Variants in DMD observed in about 807,000 individuals in gnomAD.
DMD encodes mutant dystrophin.
In DMD, 63 loss-of-function variants were observed where a neutral mutation model predicts 330.1. The observed-to-expected ratio is 0.19, with a 90% CI of 0.16 to 0.24. The LOEUF (loss-of-function observed/expected upper bound fraction) is 0.24, where lower values mean the gene tolerates loss of function less well. Ranked by LOEUF, DMD falls within the 10% of genes least tolerant of loss-of-function variation. DMD has a pLI of 1.00. For missense variants in DMD, 3,344 were observed against 2,684.1 expected (o/e 1.25, Z -5.43); for synonymous variants, 1,223 against 959.8 (o/e 1.27, Z -5.07).
intron 20 of DMD, among the ~76,000 whole-genome samples, chrX:32,489,788 T>A: frequency 8.9e-6 from 1 of 111,884 alleles, no homozygotes; most frequent in East Asian, 2.8e-4. Flanking sequence ...ACATCAGATT[T>A]TTGTGGCAAG....
intron 44 of DMD, among the ~76,000 whole-genome samples, chrX:31,974,792 A>G (rs1260337339): frequency 1.8e-5 from 2 of 110,727 alleles, no homozygotes; most frequent in Non-Finnish European, 3.8e-5. Context: ...CTGCCAATGA[A>G]CTGAAGGAAA....
intron 9 of DMD, among the ~76,000 whole-genome samples, chrX:32,675,071 C>A (rs982631540): frequency 5.4e-5 from 6 of 111,654 alleles, no homozygotes; most frequent in African/African-American, 1.6e-4. Context: ...TGTTCAATTG[C>A]TCAGTTCACC....
intron 1 of DMD, among the ~76,000 whole-genome samples, chrX:33,256,385 TA>T (rs756714074): frequency 2.7e-5 from 3 of 110,726 alleles, no homozygotes; most frequent in Non-Finnish European, 5.7e-5. Context: ...AATTATGCTT[TA>T]GTTTGATGGT....
At chrX:31,724,557 G>A (rs914432081) in intron 52 of DMD, among the ~76,000 whole-genome samples, 1 of 108,193 alleles carries the variant, frequency 9.2e-6, no homozygotes, top group Non-Finnish European at 1.9e-5. Flanking sequence ...ATCCTTAGCT[G>A]AAAAAATAAT....
chrX:33,030,958 C>G (rs2094099293), intron 1 of DMD, among the ~76,000 whole-genome samples: 1 of 111,285 alleles, frequency 9.0e-6, no homozygotes, highest in Admixed American at 9.6e-5. Context: ...AAACACAGGG[C>G]CTGGATTATA....
intron 29 of DMD, among the ~76,000 whole-genome samples, chrX:32,413,496 T>A (rs1302422568): frequency 9.1e-6 from 1 of 110,330 alleles, no homozygotes; most frequent in African/African-American, 3.3e-5. Flanking sequence ...AGTTCTTGAT[T>A]CCAATCTTTT....
chrX:31,388,409 A>C (rs975187792), intron 60 of DMD, among the ~76,000 whole-genome samples: 1 of 111,154 alleles, frequency 9.0e-6, no homozygotes, highest in Non-Finnish European at 1.9e-5. Context: ...CATATAACAG[A>C]CCCACAATAG....
intron 44 of DMD, among the ~76,000 whole-genome samples, chrX:31,984,169 T>C (rs1253210747): frequency 8.9e-6 from 1 of 112,406 alleles, no homozygotes; most frequent in East Asian, 2.8e-4. Context: ...AAACATCTAT[T>C]TTGTCTTTCA....
chrX:32,747,126 T>A (rs112653571), intron 7 of DMD, among the ~76,000 whole-genome samples: 1,447 of 112,313 alleles, frequency 0.013, 21 homozygotes, highest in African/African-American at 0.044. Flanking sequence ...GTTGATTCCG[T>A]ATCTCAACAA....
At chrX:32,731,268 C>T (rs185215033) in intron 7 of DMD, among the ~76,000 whole-genome samples, 4 of 112,365 alleles carry the variant, frequency 3.6e-5, no homozygotes, top group Admixed American at 9.4e-5. Context: ...CCTACCCCAA[C>T]GGAATCTCGC....
chrX:31,449,032 T>G (rs1298152326), intron 59 of DMD, among the ~76,000 whole-genome samples: 1 of 112,396 alleles, frequency 8.9e-6, no homozygotes, highest in Non-Finnish European at 1.9e-5. Context: ...AAGGGAATCT[T>G]ATTTTTGAGG....
intron 1 of DMD, among the ~76,000 whole-genome samples, chrX:33,267,844 G>T (rs1179221714): frequency 9.0e-6 from 1 of 111,692 alleles, no homozygotes; most frequent in Non-Finnish European, 1.9e-5. Context: ...TCACTGGCTA[G>T]CCATATGCAG....
intron 29 of DMD, among the ~76,000 whole-genome samples, chrX:32,435,743 G>T (rs1444201744): frequency 1.8e-5 from 2 of 110,889 alleles, no homozygotes; most frequent in Non-Finnish European, 3.8e-5. Context: ...ACTCTGGGCT[G>T]GCCTATGGAA....
At chrX:31,454,527 T>C (rs1205833434) in intron 59 of DMD, among the ~76,000 whole-genome samples, 1 of 111,587 alleles carries the variant, frequency 9.0e-6, no homozygotes, top group Non-Finnish European at 1.9e-5. Flanking sequence ...GAATGGGCCC[T>C]CTCCCTCCCC....
At chrX:31,885,406 C>G (rs1052284271) in intron 47 of DMD, among the ~76,000 whole-genome samples, 3 of 109,731 alleles carry the variant, frequency 2.7e-5, no homozygotes, top group Non-Finnish European at 5.7e-5. Flanking sequence ...GTCAGGAGAT[C>G]GAGACCATCC....
intron 1 of DMD, among the ~76,000 whole-genome samples, chrX:33,270,681 A>G (rs1603427091): frequency 8.9e-6 from 1 of 112,060 alleles, no homozygotes; most frequent in East Asian, 2.8e-4. Context: ...ACACCTTCCA[A>G]GATTATCTAA....
intron 60 of DMD, among the ~76,000 whole-genome samples, chrX:31,428,133 C>A (rs1001645532): frequency 1.8e-5 from 2 of 111,883 alleles, no homozygotes; most frequent in Admixed American, 1.9e-4. Flanking sequence ...TTGTTCCCTT[C>A]AAATCTCATG....
chrX:32,322,266 G>T (rs1390418892), intron 41 of DMD, among the ~76,000 whole-genome samples: 1 of 111,675 alleles, frequency 9.0e-6, no homozygotes, highest in Non-Finnish European at 1.9e-5. Flanking sequence ...TTACCCAAGT[G>T]CAAAAAAGAA....
At chrX:31,948,679 G>C (rs2095120204) in intron 45 of DMD, among the ~76,000 whole-genome samples, 1 of 111,101 alleles carries the variant, frequency 9.0e-6, no homozygotes, top group African/African-American at 3.3e-5. Context: ...CCATTTCTAT[G>C]TCTTCTTTGG....
Sources: allele counts gnomAD v4.1 joint callset (sites outside exome capture counted in the v4.1 genomes callset), GRCh38; gene constraint gnomAD v4.1.1; transcripts MANE v1.5; gene names NCBI Gene and HGNC (gene_info 2026-07-23, HGNC 2026-07-21).